TNS3: variants seen among roughly 807,000 people sequenced by gnomAD.
TNS3 encodes tensin-3.
Under a neutral mutation model 140.9 loss-of-function variants are expected in TNS3, and 45 were observed. The observed-to-expected ratio is 0.32, with a 90% confidence interval of 0.25 to 0.41. The LOEUF is 0.41. TNS3 is among the 10% of genes least tolerant of loss of function. The probability of loss-of-function intolerance (pLI) is 1.00; values close to 1 mark genes in which losing one functional copy is unlikely to be tolerated. For missense variants in TNS3, 1,716 were observed against 1,906.7 expected (o/e 0.90, Z 1.86); for synonymous variants, 815 against 788.4 (o/e 1.03, Z -0.56).
At chr7:47,324,475 G>A (rs1320650428) in intron 20 of TNS3, among the ~76,000 whole-genome samples, 1 of 152,194 alleles carries the variant, frequency 6.6e-6, no homozygotes, top group Non-Finnish European at 1.5e-5. Flanking sequence ...AACAGGGCTA[G>A]GCAAGGTGGC....
intron 16 of TNS3, among the ~76,000 whole-genome samples, chr7:47,375,919 G>A (rs914552150): frequency 3.9e-5 from 6 of 152,216 alleles, no homozygotes; most frequent in Non-Finnish European, 8.8e-5. Flanking sequence ...ATGAAGCGAC[G>A]TGGAACCTTT....
chr7:47,471,399 C>G (rs927716094), intron 4 of TNS3, among the ~76,000 whole-genome samples: 4 of 152,180 alleles, frequency 2.6e-5, no homozygotes, highest in Admixed American at 1.3e-4. Flanking sequence ...CTCTGAAGGG[C>G]AGCCGTCCTG....
At chr7:47,304,752 C>T in intron 21 of TNS3, 80 bp downstream of exon 21, 1 of 1,275,942 alleles carries the variant, frequency 7.8e-7, no homozygotes, top group East Asian at 2.9e-5. Flanking sequence ...AAGAGCAAGC[C>T]CCCGCTGGTC....
At chr7:47,485,694 G>A (rs1470670561) in intron 3 of TNS3, among the ~76,000 whole-genome samples, 1 of 152,242 alleles carries the variant, frequency 6.6e-6, no homozygotes, top group African/African-American at 2.4e-5. Context: ...TGAGAAGCCT[G>A]TTTGGGAGCC....
intron 8 of TNS3, among the ~76,000 whole-genome samples, chr7:47,432,553 G>C (rs182224660): frequency 6.6e-6 from 1 of 152,234 alleles, no homozygotes. Flanking sequence ...CTGCCAGAAA[G>C]CTGAAGAAAT....
In TNS3 at chr7:47,373,039, C is replaced by T. The variant is rs192716368; in HGVS notation, c.1025-3418G>A. ...AGACAACCCCCTGCACCTACACCTCCGTGGTCTTCAGTGGGGGCAGGAGAG... is the reference window on the plus strand; with the variant it reads ...AGACAACCCCCTGCACCTACACCTCTGTGGTCTTCAGTGGGGGCAGGAGAG... On this transcript the variant is annotated intron_variant, in intron 16 of 30. Transcript: ENST00000311160. Among the ~76,000 whole-genome samples, 13 of 152,286 alleles carry T rather than the reference C, an allele frequency of 8.5e-5. No homozygotes were observed. In the East Asian group the frequency reaches 2.5e-3, roughly 29 times the overall value.
intron 18 of TNS3, among the ~76,000 whole-genome samples, chr7:47,345,580 C>T (rs1472682212): frequency 6.6e-6 from 1 of 152,196 alleles, no homozygotes; most frequent in Non-Finnish European, 1.5e-5. Flanking sequence ...AAATCCCACC[C>T]AAGTCTAAAA....
chr7:47,342,912 A>AT (rs1562614291), intron 20 of TNS3, among the ~76,000 whole-genome samples: 1 of 152,220 alleles, frequency 6.6e-6, no homozygotes, highest in Non-Finnish European at 1.5e-5. Flanking sequence ...ACACTGTCTG[A>AT]TGAAAGCATC....
chr7:47,530,838 A>AAAAAAAAAAAAAAATATATATATATAT, intron 1 of TNS3, among the ~76,000 whole-genome samples: 2 of 54,564 alleles, frequency 3.7e-5, no homozygotes, highest in African/African-American at 7.9e-5. Flanking sequence ...AAAAAAAAAA[A>AAAAAAAAAAAAAAATATATATATATAT]ATATATATAT....
At chr7:47,340,585 C>CTTTTTTTT (rs774726583) in intron 20 of TNS3, among the ~76,000 whole-genome samples, 1 of 134,854 alleles carries the variant, frequency 7.4e-6, no homozygotes, top group African/African-American at 2.8e-5. Context: ...TCTTTTTTTT[C>CTTTTTTTT]TTTTTTTTTT....
intron 12 of TNS3, among the ~76,000 whole-genome samples, chr7:47,412,326 T>A (rs1462729446): frequency 6.6e-6 from 1 of 152,230 alleles, no homozygotes; most frequent in African/African-American, 2.4e-5. Context: ...ACGTATTGTT[T>A]AAAATGCAAA....
chr7:47,302,304 G>C (rs376652455), intron 22 of TNS3, 32 bp from the exon 23 acceptor site: 22 of 1,550,668 alleles, frequency 1.4e-5, no homozygotes, highest in East Asian at 1.3e-4. Context: ...CAGTGACCAT[G>C]ATGGGCACTT....
At chr7:47,285,765 G>A (rs1308446828) in intron 27 of TNS3, among the ~76,000 whole-genome samples, 1 of 152,154 alleles carries the variant, frequency 6.6e-6, no homozygotes, top group African/African-American at 2.4e-5. Context: ...TAACCTTCAG[G>A]GAAAGACATT....
At chr7:47,362,297 G>T (rs1466271440) in intron 17 of TNS3, among the ~76,000 whole-genome samples, 1 of 152,120 alleles carries the variant, frequency 6.6e-6, no homozygotes, top group Admixed American at 6.5e-5. Context: ...GAGCACCCAG[G>T]TCTCAGCCAC....
rs760556848 is a variant in TNS3 at position 47,396,771 on chromosome 7, A to G, written c.1024+29T>C. The G allele has an allele frequency of 1.0e-5, 16 of 1,572,414 alleles. No individual in the cohort carries two copies. The African/African-American group carries it at 1.8e-4, about 17-fold the overall frequency. On this transcript the variant is annotated intron_variant, in intron 16 of 30. Transcript: ENST00000311160. ...TGTCTTCCCTGTGCCCTTTGCCTCC[A>G]TAACTGCACACAAGATGAACACACG...
intron 17 of TNS3, among the ~76,000 whole-genome samples, chr7:47,366,549 AC>A: frequency 6.6e-6 from 1 of 152,270 alleles, no homozygotes; most frequent in East Asian, 1.9e-4. Flanking sequence ...CACTCAGGCA[AC>A]CCACAGCACA....
Position 47,277,827 on chromosome 7 carries a change from T to C in TNS3, c.*249A>G, listed in dbSNP as rs1584292477. 23 of 573,476 alleles carry C rather than the reference T, an allele frequency of 4.0e-5. No individual in the cohort carries two copies. The East Asian group carries it at 6.6e-4, about 16-fold the overall frequency. The allele number at this position is 573,476 out of a possible 1,614,324, so 35.5% of individuals were successfully genotyped here. A position where few individuals can be genotyped will look rare whatever the true frequency, so the allele number is the denominator to read the frequency against. Reference sequence around the variant, plus strand: ...GACCCTAGGGGGTGGGGTGCACCCATGCCCAGCTTCTTCTACCCAAAAAGC... The same window carrying C: ...GACCCTAGGGGGTGGGGTGCACCCACGCCCAGCTTCTTCTACCCAAAAAGC... On this transcript the variant is annotated 3_prime_UTR_variant, in exon 31 of 31. Transcript: ENST00000311160.
Position 47,278,231 on chromosome 7 carries a change from A to G in TNS3, c.4194-11T>C, listed in dbSNP as rs760701121. The G allele has an allele frequency of 3.2e-5, 51 of 1,612,670 alleles. No homozygotes were observed. Among genetic ancestry groups the G allele is most frequent in the Non-Finnish European group, 2.9e-5 (34 of 1,179,466 alleles). On this transcript the variant is annotated splice_polypyrimidine_tract_variant and intron_variant, in intron 30 of 30. Transcript: ENST00000311160. The stretch of plus-strand genomic sequence containing the variant: ...ACAAATCCAAAGACTCTGCCAAAGG[A>G]AAGTCCAGTCAGAGTGGTCAGTGTC...
At chr7:47,469,973 CAA>C (rs144012426) in intron 4 of TNS3, among the ~76,000 whole-genome samples, 15 of 64,878 alleles carry the variant, frequency 2.3e-4, no homozygotes, top group East Asian at 9.2e-4. Context: ...AACTCTGTCT[CAA>C]AAAAAAAAAA....
Sources: gnomAD v4.1 joint callset for allele counts (sites outside exome capture counted in the v4.1 genomes callset) on GRCh38, gnomAD v4.1.1 for gene constraint, MANE v1.5 for transcripts, NCBI Gene and HGNC (gene_info 2026-07-23, HGNC 2026-07-21) for gene names.